Variants in PALLD observed in about 807,000 individuals in gnomAD.
PALLD encodes palladin, cytoskeletal associated protein, also known as palladin.
In PALLD, 61 loss-of-function variants were observed where a neutral mutation model predicts 123.5. That is an observed-to-expected ratio of 0.49 (90% CI 0.40 to 0.61). The LOEUF is 0.61. PALLD is among the 20% of genes least tolerant of loss of function. The pLI is 0.00. For missense variants in PALLD, 1,273 were observed against 1,377.0 expected (o/e 0.92, Z 1.20); for synonymous variants, 465 against 496.4 (o/e 0.94, Z 0.84).
intron 2 of PALLD, among the ~76,000 whole-genome samples, chr4:168,635,168 A>G (rs1255571227): frequency 2.6e-5 from 4 of 152,176 alleles, no homozygotes; most frequent in South Asian, 4.1e-4. Context: ...CAGTACTGAC[A>G]GTGTATCCAT....
At chr4:168,666,217 G>A (rs1310254817) in intron 2 of PALLD, among the ~76,000 whole-genome samples, 4 of 152,122 alleles carry the variant, frequency 2.6e-5, no homozygotes, top group South Asian at 2.1e-4. Flanking sequence ...CAAAAGAAAC[G>A]AATCCTTCTC....
In PALLD at chr4:168,644,091, C is replaced by CT. The variant is rs10719083; in HGVS notation, c.909-24083dup. Among the ~76,000 whole-genome samples the CT allele has an allele frequency of 4.2e-3, 585 of 138,932 alleles. 18 individuals carry two copies. The South Asian group carries it at 0.085, about 20-fold the overall frequency. 91.1% of individuals were successfully genotyped at this position (138,932 alleles called of 152,430 possible). A position where few individuals can be genotyped will look rare whatever the true frequency, so the allele number is the denominator to read the frequency against. On this transcript the variant is annotated intron_variant, in intron 2 of 21. Transcript: ENST00000505667. ...AAGAGGAACTCTTTGATGTTGATAT[C>CT]TTTTTTTTTTTTTTTTAATGGAATC... is the stretch of plus-strand genomic sequence containing the variant.
intron 10 of PALLD, among the ~76,000 whole-genome samples, chr4:168,882,552 T>C (rs1254307161): frequency 6.9e-6 from 1 of 145,594 alleles, no homozygotes; most frequent in Middle Eastern, 3.2e-3. Context: ...CAAGCCGCAA[T>C]GTACTTTGCA....
intron 2 of PALLD, among the ~76,000 whole-genome samples, chr4:168,570,164 T>A (rs1045411908): frequency 3.3e-5 from 5 of 152,218 alleles, no homozygotes; most frequent in African/African-American, 1.2e-4. Context: ...AAAGTTTTAC[T>A]GCAATATGTT....
intron 10 of PALLD, among the ~76,000 whole-genome samples, chr4:168,802,065 T>C (rs1246658064): frequency 6.6e-6 from 1 of 152,242 alleles, no homozygotes; most frequent in Non-Finnish European, 1.5e-5. Context: ...ATTTTGTTTG[T>C]GCACTCATCA....
chr4:168,619,128 C>T (rs1403514197), intron 2 of PALLD, among the ~76,000 whole-genome samples: 1 of 152,198 alleles, frequency 6.6e-6, no homozygotes. Flanking sequence ...CGGAGGTCAC[C>T]TTTCAGCAGG....
At chr4:168,604,867 T>C (rs1249971822) in intron 2 of PALLD, among the ~76,000 whole-genome samples, 2 of 152,252 alleles carry the variant, frequency 1.3e-5, no homozygotes, top group African/African-American at 2.4e-5. Context: ...TCTCAACTGA[T>C]AGAGTTTTCT....
At chr4:168,823,432 T>TGA (rs1429789784) in intron 10 of PALLD, among the ~76,000 whole-genome samples, 1 of 152,084 alleles carries the variant, frequency 6.6e-6, no homozygotes, top group Non-Finnish European at 1.5e-5. Context: ...TCCCAGCACT[T>TGA]TAAGAGGCCA....
chr4:168,709,570 GGAAGGAAGGAAGGA>G (rs1784574735), intron 9 of PALLD, among the ~76,000 whole-genome samples: 11 of 712 alleles, frequency 0.015, no homozygotes, highest in Non-Finnish European at 0.051. Context: ...AAGGAAGGAA[GGAAGGAAGGAAGGA>G]AGGAAGGGAG....
chr4:168,563,372 C>A (rs1468648959), intron 2 of PALLD, among the ~76,000 whole-genome samples: 1 of 152,148 alleles, frequency 6.6e-6, no homozygotes, highest in East Asian at 1.9e-4. Context: ...TTGAGGTTCT[C>A]TATCATTTAA....
At chr4:168,905,790 C>CTTTCTTTTTTTT (rs1757627059) in intron 15 of PALLD, among the ~76,000 whole-genome samples, 1 of 113,092 alleles carries the variant, frequency 8.8e-6, no homozygotes, top group Non-Finnish European at 1.7e-5. Context: ...GCTTTTTTTT[C>CTTTCTTTTTTTT]TTTTTTTTTT....
chr4:168,880,159 CCTT>C (rs1456790437), intron 10 of PALLD, among the ~76,000 whole-genome samples: 2 of 152,330 alleles, frequency 1.3e-5, no homozygotes, highest in Admixed American at 6.5e-5. Context: ...GACTTTGAAA[CCTT>C]CTTAAGATAA....
chr4:168,653,637 C>T (rs1208932315), intron 2 of PALLD, among the ~76,000 whole-genome samples: 1 of 152,230 alleles, frequency 6.6e-6, no homozygotes. Context: ...ACAAGACAAC[C>T]TTTGAGTATG....
intron 10 of PALLD, among the ~76,000 whole-genome samples, chr4:168,730,667 A>G (rs1211993972): frequency 6.6e-6 from 1 of 152,070 alleles, no homozygotes; most frequent in Non-Finnish European, 1.5e-5. Flanking sequence ...CAATATCTTC[A>G]GGTCTTGGGT....
intron 10 of PALLD, among the ~76,000 whole-genome samples, chr4:168,737,151 T>C (rs1787839453): frequency 6.6e-6 from 1 of 152,206 alleles, no homozygotes; most frequent in Non-Finnish European, 1.5e-5. Context: ...CCAGATTTAA[T>C]CTGACCTACA....
intron 3 of PALLD, among the ~76,000 whole-genome samples, chr4:168,676,814 T>C (rs1780897536): frequency 6.6e-6 from 1 of 151,734 alleles, no homozygotes; most frequent in South Asian, 2.1e-4. Flanking sequence ...CTCCTGACCT[T>C]GTGATCCGCC....
At chr4:168,633,947 A>T (rs1027780430) in intron 2 of PALLD, among the ~76,000 whole-genome samples, 3 of 152,168 alleles carry the variant, frequency 2.0e-5, no homozygotes, top group African/African-American at 7.2e-5. Flanking sequence ...ACAGTTTCTT[A>T]AAAAAATAAT....
At chr4:168,702,340 C>G (rs913429880) in intron 8 of PALLD, among the ~76,000 whole-genome samples, 1 of 152,154 alleles carries the variant, frequency 6.6e-6, no homozygotes, top group Admixed American at 6.5e-5. Flanking sequence ...CACCTGAGGT[C>G]AGGAGTTCGA....
chr4:168,823,048 A>AG (rs1742944306), intron 10 of PALLD, among the ~76,000 whole-genome samples: 1 of 152,182 alleles, frequency 6.6e-6, no homozygotes, highest in African/African-American at 2.4e-5. Flanking sequence ...ATTAAAAAAA[A>AG]TAGAATTATA....
Sources: allele counts gnomAD v4.1 joint callset (sites outside exome capture counted in the v4.1 genomes callset), GRCh38; gene constraint gnomAD v4.1.1; transcripts MANE v1.5; gene names NCBI Gene and HGNC (gene_info 2026-07-23, HGNC 2026-07-21).